Variants in EPHA3 observed in about 807,000 individuals in gnomAD.
EPHA3 encodes the protein EPH receptor A3.
Under a neutral mutation model 107.1 loss-of-function variants are expected in EPHA3, and 42 were observed. The ratio of observed to expected loss-of-function variants is 0.39; its 90% confidence interval spans 0.31 to 0.51. The LOEUF is 0.51. Among genes scored for constraint, EPHA3 ranks in the 20% least tolerant of loss-of-function variants. EPHA3 has a pLI of 0.78. For synonymous variants in EPHA3, 461 were observed against 424.8 expected (o/e 1.09, Z -1.05); for missense variants, 1,183 against 1,211.2 (o/e 0.98, Z 0.35).
intron 3 of EPHA3, among the ~76,000 whole-genome samples, chr3:89,213,689 A>C (rs1704160217): frequency 6.6e-6 from 1 of 151,998 alleles, no homozygotes; most frequent in Non-Finnish European, 1.5e-5. Flanking sequence ...AATTGTTTCT[A>C]GATTAATACC....
chr3:89,296,820 G>A (rs573073361), intron 3 of EPHA3, among the ~76,000 whole-genome samples: 85 of 152,206 alleles, frequency 5.6e-4, no homozygotes, highest in Non-Finnish European at 8.7e-4. Context: ...TTCTTGTTAC[G>A]TGTAGCCATC....
At chr3:89,178,743 T>C (rs1490755073) in intron 2 of EPHA3, among the ~76,000 whole-genome samples, 5 of 151,858 alleles carry the variant, frequency 3.3e-5, no homozygotes, top group African/African-American at 1.2e-4. Flanking sequence ...TTAAAGCATT[T>C]TGAGTCCATA....
intron 5 of EPHA3, among the ~76,000 whole-genome samples, chr3:89,361,464 G>A (rs537817939): frequency 6.0e-5 from 9 of 150,928 alleles, no homozygotes; most frequent in African/African-American, 2.2e-4. Context: ...GAGGCCCCTG[G>A]TTCAATGACT....
chr3:89,412,815 G>T (rs1177193913), intron 9 of EPHA3, among the ~76,000 whole-genome samples: 1 of 151,644 alleles, frequency 6.6e-6, no homozygotes, highest in African/African-American at 2.4e-5. Context: ...GTTGCTCCTG[G>T]TAGTAATGAC....
At chr3:89,113,046 T>C (rs567926599) in intron 1 of EPHA3, among the ~76,000 whole-genome samples, 1 of 152,250 alleles carries the variant, frequency 6.6e-6, no homozygotes, top group East Asian at 1.9e-4. Context: ...GATTTTATCA[T>C]CACGGAAGGT....
chr3:89,189,793 G>A (rs1421269839), intron 2 of EPHA3, among the ~76,000 whole-genome samples: 1 of 151,916 alleles, frequency 6.6e-6, no homozygotes, highest in Non-Finnish European at 1.5e-5. Context: ...CTAAATTACT[G>A]TAAGTACTCT....
At chr3:89,449,870 T>G (rs1466175403) in intron 14 of EPHA3, among the ~76,000 whole-genome samples, 3 of 152,172 alleles carry the variant, frequency 2.0e-5, no homozygotes, top group Non-Finnish European at 1.5e-5. Flanking sequence ...TATAACCAAA[T>G]AATAATTTCT....
chr3:89,418,091 G>A (rs2107525928), intron 10 of EPHA3, among the ~76,000 whole-genome samples: 1 of 151,468 alleles, frequency 6.6e-6, no homozygotes, highest in South Asian at 2.1e-4. Context: ...CAATCTGACT[G>A]ACACGTAGGG....
intron 2 of EPHA3, among the ~76,000 whole-genome samples, chr3:89,133,224 G>T (rs767419798): frequency 1.3e-5 from 2 of 152,202 alleles, no homozygotes; most frequent in South Asian, 4.1e-4. Flanking sequence ...GTCTCAGCAG[G>T]CACCTCTTCT....
chr3:89,114,719 A>C (rs1392808624), intron 1 of EPHA3, among the ~76,000 whole-genome samples: 1 of 152,154 alleles, frequency 6.6e-6, no homozygotes, highest in Non-Finnish European at 1.5e-5. Context: ...GTGCAAAGTT[A>C]AGCGAACACG....
intron 11 of EPHA3, among the ~76,000 whole-genome samples, chr3:89,427,471 T>G (rs1709482538): frequency 6.6e-6 from 1 of 151,894 alleles, no homozygotes; most frequent in Admixed American, 6.6e-5. Flanking sequence ...TACATTAATG[T>G]TTGTTTAACA....
intron 2 of EPHA3, among the ~76,000 whole-genome samples, chr3:89,144,356 G>A (rs1156501347): frequency 4.0e-5 from 6 of 151,578 alleles, no homozygotes. Flanking sequence ...CACATATGAT[G>A]CTGTTTTGTG....
intron 3 of EPHA3, among the ~76,000 whole-genome samples, chr3:89,325,448 C>T (rs1213409367): frequency 6.6e-6 from 1 of 152,092 alleles, no homozygotes; most frequent in Admixed American, 6.6e-5. Context: ...TGCGTGAAAC[C>T]TTTCAATAAC....
intron 3 of EPHA3, among the ~76,000 whole-genome samples, chr3:89,322,446 T>C (rs1707065122): frequency 6.6e-6 from 1 of 152,066 alleles, no homozygotes; most frequent in Non-Finnish European, 1.5e-5. Flanking sequence ...AGAGGATTAG[T>C]ATCACCTTAG....
At chr3:89,390,873 C>T (rs1002158939) in intron 5 of EPHA3, among the ~76,000 whole-genome samples, 9 of 151,030 alleles carry the variant, frequency 6.0e-5, no homozygotes, top group African/African-American at 2.0e-4. Context: ...TTGCAACCTC[C>T]GCCTCCCGGG....
intron 13 of EPHA3, among the ~76,000 whole-genome samples, chr3:89,439,788 C>T (rs1576378970): frequency 6.6e-6 from 1 of 151,900 alleles, no homozygotes; most frequent in East Asian, 1.9e-4. Context: ...TAGACTTACT[C>T]CCCGATGTTT....
chr3:89,182,616 T>G (rs1409426290), intron 2 of EPHA3, among the ~76,000 whole-genome samples: 1 of 151,948 alleles, frequency 6.6e-6, no homozygotes, highest in African/African-American at 2.4e-5. Context: ...AGAGAAAGTA[T>G]AGCTTAAATG....
intron 2 of EPHA3, among the ~76,000 whole-genome samples, chr3:89,204,482 ACACAC>A (rs1461004291): frequency 1.4e-3 from 1 of 734 alleles, no homozygotes; most frequent in African/African-American, 1.5e-3. Flanking sequence ...TTGACACACC[ACACAC>A]ACACACACAC....
intron 3 of EPHA3, among the ~76,000 whole-genome samples, chr3:89,251,860 G>A (rs999640134): frequency 2.0e-5 from 3 of 151,990 alleles, no homozygotes; most frequent in African/African-American, 7.3e-5. Flanking sequence ...AATATAATGA[G>A]GCATTTTACC....
Sources: gnomAD v4.1 joint callset for allele counts (sites outside exome capture counted in the v4.1 genomes callset) on GRCh38, gnomAD v4.1.1 for gene constraint, MANE v1.5 for transcripts, NCBI Gene and HGNC (gene_info 2026-07-23, HGNC 2026-07-21) for gene names.